Variants in XPNPEP3 observed in about 807,000 individuals in gnomAD.
XPNPEP3 encodes xaa-Pro aminopeptidase 3.
A neutral mutation model predicts 60.0 loss-of-function variants in XPNPEP3; 41 were observed. That is an observed-to-expected ratio of 0.68 (90% CI 0.53 to 0.89). XPNPEP3 has a LOEUF of 0.89. XPNPEP3 is among the 40% of genes least tolerant of loss of function. The probability of loss-of-function intolerance (pLI) is 0.00; values close to 1 mark genes in which losing one functional copy is unlikely to be tolerated. For synonymous variants in XPNPEP3, 212 were observed against 223.2 expected (o/e 0.95, Z 0.45); for missense variants, 598 against 638.9 (o/e 0.94, Z 0.69).
chr22:40,857,511 C>G (rs1471531994), intron 1 of XPNPEP3, among the ~76,000 whole-genome samples: 1 of 152,276 alleles, frequency 6.6e-6, no homozygotes, highest in Non-Finnish European at 1.5e-5. Flanking sequence ...TTCCAAGTTA[C>G]TCGGACTCCG....
intron 1 of XPNPEP3, among the ~76,000 whole-genome samples, chr22:40,868,593 G>T (rs923284318): frequency 1.3e-5 from 2 of 152,154 alleles, no homozygotes; most frequent in Non-Finnish European, 2.9e-5. Context: ...AGTGGCTCAT[G>T]CCTGTAATCC....
chr22:40,858,522 CTT>C (rs34319696), intron 1 of XPNPEP3, among the ~76,000 whole-genome samples: 1,822 of 85,292 alleles, frequency 0.021, 20 homozygotes, highest in African/African-American at 0.084. Flanking sequence ...GCTGGAGAAG[CTT>C]TTTTTTTTTT....
At chr22:40,891,764 G>A (rs2058089461) in intron 4 of XPNPEP3, among the ~76,000 whole-genome samples, 1 of 152,130 alleles carries the variant, frequency 6.6e-6, no homozygotes, top group Non-Finnish European at 1.5e-5. Context: ...TTTAAAGTTT[G>A]TCCAGGATCC....
chr22:40,868,434 T>C (rs1476522970), intron 1 of XPNPEP3, among the ~76,000 whole-genome samples: 1 of 151,014 alleles, frequency 6.6e-6, no homozygotes, highest in African/African-American at 2.5e-5. Flanking sequence ...TGTGCGTGTG[T>C]GTGTGTGTGT....
intron 2 of XPNPEP3, among the ~76,000 whole-genome samples, chr22:40,880,685 G>A (rs567420706): frequency 3.3e-5 from 5 of 151,648 alleles, no homozygotes; most frequent in East Asian, 1.9e-4. Flanking sequence ...AGAGGGGGCC[G>A]GGCACGATGG....
intron 2 of XPNPEP3, among the ~76,000 whole-genome samples, chr22:40,873,203 C>A (rs1352154665): frequency 7.0e-6 from 1 of 141,876 alleles, no homozygotes; most frequent in Non-Finnish European, 1.5e-5. Flanking sequence ...CTCCCAGATT[C>A]AAGCAATTCT....
intron 1 of XPNPEP3, among the ~76,000 whole-genome samples, chr22:40,864,447 A>C (rs1263702100): frequency 6.6e-6 from 1 of 151,924 alleles, no homozygotes; most frequent in East Asian, 1.9e-4. Context: ...TATTATTGTT[A>C]CTATTATTAT....
intron 4 of XPNPEP3, among the ~76,000 whole-genome samples, chr22:40,899,871 C>G (rs1213710415): frequency 6.1e-5 from 9 of 148,656 alleles, no homozygotes; most frequent in Admixed American, 6.0e-4. Context: ...CACACCTTAT[C>G]TAAAAATTAA....
chr22:40,879,997 A>G (rs1481181766), intron 2 of XPNPEP3, among the ~76,000 whole-genome samples: 1 of 148,420 alleles, frequency 6.7e-6, no homozygotes, highest in Admixed American at 6.8e-5. Context: ...ACTGCTCTCC[A>G]GCCTGGGTGA....
At chr22:40,885,267 C>T (rs892885932) in intron 3 of XPNPEP3, among the ~76,000 whole-genome samples, 6 of 152,128 alleles carry the variant, frequency 3.9e-5, no homozygotes, top group African/African-American at 1.4e-4. Context: ...GACCTTCTCA[C>T]TTGGATTGTT....
At chr22:40,913,365 G>A (rs185123439) in intron 6 of XPNPEP3, among the ~76,000 whole-genome samples, 4 of 151,238 alleles carry the variant, frequency 2.6e-5, no homozygotes, top group African/African-American at 7.3e-5. Flanking sequence ...TTGAACCTAG[G>A]AGGTGGAGGT....
intron 7 of XPNPEP3, among the ~76,000 whole-genome samples, chr22:40,916,689 G>A (rs2058197315): frequency 6.6e-6 from 1 of 152,176 alleles, no homozygotes; most frequent in African/African-American, 2.4e-5. Flanking sequence ...AGAGGTGGAG[G>A]AGGAGCCTAC....
chr22:40,866,060 A>G (rs1406346735), intron 1 of XPNPEP3, among the ~76,000 whole-genome samples: 1 of 152,134 alleles, frequency 6.6e-6, no homozygotes, highest in Non-Finnish European at 1.5e-5. Context: ...ATTTCCAATA[A>G]ATATCTCAGG....
intron 4 of XPNPEP3, among the ~76,000 whole-genome samples, chr22:40,896,686 C>T (rs2058109521): frequency 6.6e-6 from 1 of 151,904 alleles, no homozygotes; most frequent in South Asian, 2.1e-4. Context: ...TTAAAAATGG[C>T]TAAAATAGAA....
chr22:40,890,522 G>A (rs1156273970), intron 4 of XPNPEP3, among the ~76,000 whole-genome samples: 1 of 151,964 alleles, frequency 6.6e-6, no homozygotes, highest in Admixed American at 6.6e-5. Flanking sequence ...CTGGGCAACA[G>A]AGTGAGACCA....
rs1715106644 is a variant in XPNPEP3, at chr22:40,926,287, A to G, written c.1376A>G (p.Asp459Gly). 1.2e-6 allele frequency: 2 copies of G among 1,614,170 alleles called. No homozygotes were observed. The highest frequency in any genetic ancestry group is 1.7e-6 in the Non-Finnish European group (2 of 1,180,028). The change falls in exon 10 of 10, where the codon GAT (aspartate) becomes GGT (glycine). Residue 459 changes from aspartate to glycine, a missense_variant. Transcript: ENST00000357137. ...TTCACAGGCATTTATATTCCAGAGG[A>G]TGACAAAGATGCCCCAGAGAAGTTT... is the stretch of plus-strand genomic sequence containing the variant. ...TIEPGIYIPE[D>G]DKDAPEKFRG...
chr22:40,869,129 A>T lies in XPNPEP3; in HGVS notation c.181+14A>T. Reference sequence around the variant, plus strand: ...TCCTCAGACCAGGTAAGGCCTTTTAACTGTGCTATCTCCCCATTTAGGTTC... The same window carrying T: ...TCCTCAGACCAGGTAAGGCCTTTTATCTGTGCTATCTCCCCATTTAGGTTC... On this transcript the variant is annotated intron_variant, in intron 2 of 9. Coordinates refer to ENST00000357137, the MANE Select transcript of XPNPEP3 (RefSeq NM_022098.4). The T allele has an allele frequency of 6.2e-7, 1 of 1,600,756 alleles. No homozygotes were observed. The highest frequency in any genetic ancestry group is 1.3e-5 in the African/African-American group (1 of 74,734).
intron 2 of XPNPEP3, 127 bp from the exon 3 acceptor site, chr22:40,881,643 A>G (rs571497969): frequency 3.0e-5 from 33 of 1,110,686 alleles, no homozygotes; most frequent in Non-Finnish European, 3.6e-5. Context: ...TTAATTCTCC[A>G]TGTGCTGTGA....
chr22:40,871,754 G>C (rs2058006828), intron 2 of XPNPEP3, among the ~76,000 whole-genome samples: 2 of 152,200 alleles, frequency 1.3e-5, no homozygotes, highest in Admixed American at 1.3e-4. Flanking sequence ...AATTACTGGG[G>C]CCAGGCGCGG....
Sources: allele counts gnomAD v4.1 joint callset (sites outside exome capture counted in the v4.1 genomes callset), GRCh38; gene constraint gnomAD v4.1.1; transcripts MANE v1.5; gene names NCBI Gene and HGNC (gene_info 2026-07-23, HGNC 2026-07-21).